The following RERE variants were observed in gnomAD, a reference collection of about 807,000 sequenced individuals.
RERE encodes arginine-glutamic acid dipeptide repeats protein.
RERE carries 40 observed loss-of-function variants against 146.1 expected under a neutral mutation model. That is an observed-to-expected ratio of 0.27 (90% confidence interval 0.21 to 0.36). The LOEUF (loss-of-function observed/expected upper bound fraction) is 0.36, where lower values mean the gene tolerates loss of function less well. RERE is among the 10% of genes least tolerant of loss of function. RERE has a pLI of 1.00. For missense variants in RERE, 1,933 were observed against 2,138.7 expected, an observed-to-expected ratio of 0.90 and a Z score of 1.90; for synonymous variants, 1,003 against 866.0, an observed-to-expected ratio of 1.16 and a Z score of -2.78.
chr1:8,587,062 G>A (rs998814094), intron 4 of RERE, among the ~76,000 whole-genome samples: 1 of 152,122 alleles, frequency 6.6e-6, no homozygotes, highest in Non-Finnish European at 1.5e-5. Context: ...GATAGAACAA[G>A]CCCCTTCCCA....
In RERE at chr1:8,352,740, G is replaced by A. The variant is rs1307986702; in HGVS notation, c.*2347C>T. 3 of 152,354 alleles carry A rather than the reference G, an allele frequency of 2.0e-5. No individual in the cohort carries two copies. Among genetic ancestry groups the A allele is most frequent in the Non-Finnish European group, 4.4e-5 (3 of 68,042 alleles). 9.4% of individuals were successfully genotyped at this position (152,354 alleles called of 1,614,324 possible). ...GTTGGGCTTCAAAGACACCATGAAG[G>A]TCAGGGCCTCCTAAACAAACTGTAG... is the stretch of plus-strand genomic sequence containing the variant. On this transcript the variant is annotated 3_prime_UTR_variant, in exon 23 of 23. Coordinates refer to ENST00000400908, the MANE Select transcript of RERE (RefSeq NM_001042681.2).
chr1:8,401,947 C>G (rs936407986), intron 12 of RERE, among the ~76,000 whole-genome samples: 1 of 152,172 alleles, frequency 6.6e-6, no homozygotes, highest in Middle Eastern at 3.4e-3. Context: ...CTCACTGCAA[C>G]CTCCACCTCA....
At chr1:8,672,474 T>C (rs899926610) in intron 1 of RERE, among the ~76,000 whole-genome samples, 1 of 152,212 alleles carries the variant, frequency 6.6e-6, no homozygotes, top group Non-Finnish European at 1.5e-5. Context: ...ATGCTCAGCC[T>C]GGAAATCTAA....
At chr1:8,577,485 C>T (rs1053478714) in intron 4 of RERE, among the ~76,000 whole-genome samples, 1 of 152,152 alleles carries the variant, frequency 6.6e-6, no homozygotes, top group African/African-American at 2.4e-5. Flanking sequence ...GTCATGCCAA[C>T]AGTCTGGTGA....
intron 11 of RERE, among the ~76,000 whole-genome samples, chr1:8,431,181 C>G (rs1463686768): frequency 6.6e-6 from 1 of 152,212 alleles, no homozygotes; most frequent in African/African-American, 2.4e-5. Flanking sequence ...GGCCACAAAG[C>G]AGGAAGTGAG....
At chr1:8,745,413 A>C (rs1278646952) in intron 1 of RERE, among the ~76,000 whole-genome samples, 1 of 152,216 alleles carries the variant, frequency 6.6e-6, no homozygotes, top group African/African-American at 2.4e-5. Context: ...AGACAGACTA[A>C]TACACATGGT....
chr1:8,765,713 G>A (rs370994264), intron 1 of RERE, among the ~76,000 whole-genome samples: 1 of 152,128 alleles, frequency 6.6e-6, no homozygotes, highest in African/African-American at 2.4e-5. Context: ...CAGCACTTTG[G>A]GAGACCGAGG....
At chr1:8,381,474 C>G (rs1300464604) in intron 12 of RERE, among the ~76,000 whole-genome samples, 2 of 152,172 alleles carry the variant, frequency 1.3e-5, no homozygotes, top group Non-Finnish European at 1.5e-5. Flanking sequence ...AGTGAAATAA[C>G]TCAGTTTCAG....
chr1:8,784,931 GTC>G (rs928986480), intron 1 of RERE, among the ~76,000 whole-genome samples: 55 of 152,278 alleles, frequency 3.6e-4, no homozygotes, highest in Admixed American at 6.5e-4. Flanking sequence ...ATGAGCTTAT[GTC>G]TCTACTGCTT....
intron 10 of RERE, among the ~76,000 whole-genome samples, chr1:8,469,964 A>G (rs1644658529): frequency 6.7e-6 from 1 of 148,164 alleles, no homozygotes; most frequent in African/African-American, 2.7e-5. Context: ...TGGCATTCCT[A>G]CTTCCTTCAC....
At chr1:8,558,373 G>C (rs1179392456) in intron 4 of RERE, among the ~76,000 whole-genome samples, 1 of 152,162 alleles carries the variant, frequency 6.6e-6, no homozygotes, top group African/African-American at 2.4e-5. Context: ...TCAAGAAATA[G>C]CTCAACAGGG....
chr1:8,581,465 T>C (rs1646365231), intron 4 of RERE, among the ~76,000 whole-genome samples: 1 of 152,228 alleles, frequency 6.6e-6, no homozygotes, highest in Non-Finnish European at 1.5e-5. Flanking sequence ...TTTTGATGAA[T>C]TCCAATTTTT....
At chr1:8,732,771 G>T (rs903989009) in intron 1 of RERE, among the ~76,000 whole-genome samples, 13 of 149,684 alleles carry the variant, frequency 8.7e-5, no homozygotes, top group African/African-American at 3.0e-4. Context: ...TGTGTGTGTG[G>T]GAACTACTTA....
rs199506860 is a variant in RERE, at chr1:8,503,087, AAAATAAATAAAT to A, written c.879+5528_879+5539del. 3.6e-3 allele frequency among the ~76,000 whole-genome samples: 515 copies of A among 144,646 alleles called. 3 individuals are homozygous for A. Among genetic ancestry groups the A allele is most frequent in the African/African-American group, 6.5e-3 (246 of 37,970 alleles). The allele number at this position is 144,646 out of a possible 152,430, so 94.9% of individuals were successfully genotyped here. A position where few individuals can be genotyped will look rare whatever the true frequency, so the allele number is the denominator to read the frequency against. On this transcript the variant is annotated intron_variant, in intron 8 of 22. Transcript: ENST00000400908. Reference sequence around the variant, plus strand: ...AGAAACACCCAAGAATGATCAATTAAAAATAAATAAATAAATAAATAAATAAATAAATAAATA... The same window carrying A: ...AGAAACACCCAAGAATGATCAATTAAAAATAAATAAATAAATAAATAAATA...
chr1:8,591,787 C>T (rs760519341), intron 4 of RERE, among the ~76,000 whole-genome samples: 2 of 152,212 alleles, frequency 1.3e-5, no homozygotes, highest in Non-Finnish European at 2.9e-5. Flanking sequence ...CTTCGCAGTT[C>T]ACACTTACTA....
intron 2 of RERE, among the ~76,000 whole-genome samples, chr1:8,635,935 TTATTA>T (rs1647092977): frequency 7.7e-6 from 1 of 129,186 alleles, no homozygotes. Context: ...ATGTCTTCAA[TTATTA>T]TTTTATTTTA....
chr1:8,775,783 C>T (rs1273382112), intron 1 of RERE, among the ~76,000 whole-genome samples: 1 of 152,190 alleles, frequency 6.6e-6, no homozygotes, highest in African/African-American at 2.4e-5. Flanking sequence ...TCTTTCATCA[C>T]TTAAGCTTTG....
intron 10 of RERE, 80 bp downstream of exon 10, chr1:8,494,983 G>A (rs1045360334): frequency 1.3e-5 from 14 of 1,039,796 alleles, no homozygotes; most frequent in South Asian, 7.6e-5. Context: ...TTCATGCTCC[G>A]CACTCATCAC....
At chr1:8,645,362 A>AT (rs1359516200) in intron 2 of RERE, among the ~76,000 whole-genome samples, 3 of 152,064 alleles carry the variant, frequency 2.0e-5, no homozygotes, top group East Asian at 3.8e-4. Flanking sequence ...GAAATCACAT[A>AT]TTTTTTCTCT....
Sources: gnomAD v4.1 joint callset for allele counts (sites outside exome capture counted in the v4.1 genomes callset) on GRCh38, gnomAD v4.1.1 for gene constraint, MANE v1.5 for transcripts, NCBI Gene and HGNC (gene_info 2026-07-23, HGNC 2026-07-21) for gene names.